TMC6: variants seen among roughly 807,000 people sequenced by gnomAD.
The protein encoded by TMC6 is transmembrane channel-like protein 6.
A neutral mutation model predicts 95.4 loss-of-function variants in TMC6; 71 were observed. That is an observed-to-expected ratio of 0.74 (90% CI 0.61 to 0.91). The LOEUF is 0.91. Ranked by LOEUF, TMC6 falls within the 40% of genes least tolerant of loss-of-function variation. The pLI, the probability that TMC6 is intolerant of heterozygous loss-of-function variation, is 0.00. For synonymous variants in TMC6, 514 were observed against 483.1 expected (o/e 1.06, Z -0.84); for missense variants, 1,074 against 1,079.1 (o/e 1.00, Z 0.07).
At position 78,124,960 on chromosome 17, in the gene TMC6, T is replaced by TC; in HGVS notation, c.561dup (p.Lys188GlufsTer125). 1 of 1,595,930 alleles carries TC rather than the reference T, an allele frequency of 6.3e-7. No individual in the cohort carries two copies. The highest frequency in any genetic ancestry group is 8.5e-7 in the Non-Finnish European group (1 of 1,173,912). On this transcript the variant is annotated frameshift_variant, in exon 7 of 20. Transcript: ENST00000590602. LOFTEE classifies it high-confidence loss of function. ...CCGCTGCCCGGCTGGCCCCTCCACT[T>TC]CCCCCTCGGGGTCCTGCTCTTCTCT...
rs774723223 is a variant in TMC6 at position 78,124,135 on chromosome 17, G to A, written c.936C>T (p.Asn312=). 1.1e-5 allele frequency: 18 copies of A among 1,612,604 alleles called. No homozygotes were observed. Among genetic ancestry groups the A allele is most frequent in the Middle Eastern group, 1.7e-4 (1 of 5,802 alleles). Residue 312 remains asparagine, a synonymous_variant, in exon 9 of 20, where the codon AAC becomes AAT. Coordinates refer to ENST00000590602, the MANE Select transcript of TMC6 (RefSeq NM_001127198.5). ...TGCCACACGGCTGGTTCAGCGTGGCGTTACTGTAGTGGCCGTAGTACATGA... is the reference window on the plus strand; with the variant it reads ...TGCCACACGGCTGGTTCAGCGTGGCATTACTGTAGTGGCCGTAGTACATGA... ...HTVMYYGHYS[N]ATLNQPCGSP...
intron 4 of TMC6, 104 bp from the exon 5 acceptor site, chr17:78,125,988 C>T: frequency 1.4e-6 from 2 of 1,469,114 alleles, no homozygotes; most frequent in Non-Finnish European, 9.2e-7. Context: ...TTCCCAGGAC[C>T]CAGGAAAATC....
intron 5 of TMC6, 22 bp downstream of exon 5, chr17:78,125,704 G>A: frequency 6.4e-7 from 1 of 1,557,312 alleles, no homozygotes; most frequent in African/African-American, 1.4e-5. Flanking sequence ...CGCCACTGGG[G>A]CTCCAGTGCC....
Position 78,122,873 on chromosome 17 carries a change from T to A in TMC6, c.1083-124A>T. ...ACCCACTCAGGAGCCATCTGGGCCC[T>A]GACTGGGCCTCCTGCCACACCCCTG... is the stretch of plus-strand genomic sequence containing the variant. On this transcript the variant is annotated intron_variant, in intron 9 of 19. Transcript: ENST00000590602. The surrounding 1 kb of genome is among the most constrained non-coding windows in gnomAD (Gnocchi z 4.9). 7.3e-7 allele frequency: 1 copy of A among 1,372,608 alleles called. No individual in the cohort carries two copies. The highest frequency in any genetic ancestry group is 1.0e-6 in the Non-Finnish European group (1 of 999,996). The allele number at this position is 1,372,608 out of a possible 1,614,324, so 85.0% of individuals were successfully genotyped here.
chr17:78,126,246 G>A (rs1319260959), intron 4 of TMC6, 31 bp downstream of exon 4: 1 of 1,542,758 alleles, frequency 6.5e-7, no homozygotes, highest in Admixed American at 2.0e-5. Context: ...TCGGGGCCGG[G>A]GCCGAGGCCG....
Position 78,125,279 on chromosome 17 carries a change from G to A in TMC6, c.431-16C>T, listed in dbSNP as rs1598871022. The A allele has an allele frequency of 1.3e-6, 2 of 1,554,358 alleles. No homozygotes were observed. The highest frequency in any genetic ancestry group is 1.4e-5 in the African/African-American group (1 of 73,602). On this transcript the variant is annotated splice_polypyrimidine_tract_variant and intron_variant, in intron 5 of 19. Transcript: ENST00000590602. ...CTCTGCTTCTCTGCGAGAGGGAGAG[G>A]GAGGTCCTGCCCATCCCCAAGTGCC...
intron 16 of TMC6, 32 bp from the exon 17 acceptor site, chr17:78,117,676 C>T: frequency 6.4e-7 from 1 of 1,556,364 alleles, no homozygotes; most frequent in Non-Finnish European, 8.7e-7. Flanking sequence ...AACCCTCACC[C>T]CGAGCAACAG....
Position 78,121,020 on chromosome 17 carries a change from T to A in TMC6, c.1528A>T (p.Ile510Phe). ...DSPVLEVYVAICRNLILKLAI... is the reference protein window; with the variant it reads ...DSPVLEVYVAFCRNLILKLAI... ...TCATGTGCGGCCACACACCTGCAGA[T>A]GGCCACGTACACCTCCAGTACCGGG... is the stretch of plus-strand genomic sequence containing the variant. The change falls in exon 12 of 20, where the codon ATC becomes TTC. Residue 510 changes from isoleucine (I) to phenylalanine (F), a missense_variant. By Grantham distance (21) the Ile-to-Phe change is conservative. Transcript: ENST00000590602. The surrounding 1 kb of genome is among the most constrained non-coding windows in gnomAD (Gnocchi z 5.6). 1.2e-6 allele frequency: 2 copies of A among 1,613,330 alleles called. No homozygotes were observed. Among genetic ancestry groups the A allele is most frequent in the Non-Finnish European group, 1.7e-6 (2 of 1,180,016 alleles).
upstream of TMC6, chr17:78,131,917 G>C (rs757695775): frequency 3.3e-6 from 5 of 1,496,284 alleles, no homozygotes; most frequent in Non-Finnish European, 4.4e-6. Flanking sequence ...CAGACCTTGC[G>C]CTGGCAGCGG....
At chr17:78,125,996 A>T (rs374861382) in intron 4 of TMC6, 112 bp from the exon 5 acceptor site, 16 of 1,454,216 alleles carry the variant, frequency 1.1e-5, no homozygotes, top group Admixed American at 2.1e-5. Flanking sequence ...ACCCAGGAAA[A>T]TCCTTTCAAC....
Position 78,120,252 on chromosome 17 carries a change from C to T in TMC6, c.1715+401G>A, listed in dbSNP as rs1006040362. 25 of 363,384 alleles carry T rather than the reference C, an allele frequency of 6.9e-5. No individual in the cohort carries two copies. In the East Asian group the frequency reaches 1.8e-3, roughly 27 times the overall value. 22.5% of individuals were successfully genotyped at this position (363,384 alleles called of 1,614,324 possible). The stretch of plus-strand genomic sequence containing the variant: ...TCAGCTCACTACAACCTCCGCTTCC[C>T]AGGTTCAAGCGATTCTCATGCCTCT... On this transcript the variant is annotated intron_variant, in intron 13 of 19. Coordinates refer to ENST00000590602, the MANE Select transcript of TMC6 (RefSeq NM_001127198.5).
rs80354176 is a variant in TMC6 at position 78,124,711 on chromosome 17, T to C, written c.704A>G (p.Lys235Arg). 2,552 of 1,596,534 alleles carry C rather than the reference T, an allele frequency of 1.6e-3. 66 individuals carry two copies. In the East Asian group the frequency reaches 0.053, roughly 33 times the overall value. The change falls in exon 8 of 20, where the codon AAG becomes AGG. Residue 235 changes from lysine to arginine, a missense_variant. Coordinates refer to ENST00000590602, the MANE Select transcript of TMC6 (RefSeq NM_001127198.5). The stretch of plus-strand genomic sequence containing the variant: ...GGAGCCGAACTGGCCCCCGATGCGC[T>C]TCAGGGCGTAGCGCCACGGCATCAG... Reference protein sequence around the residue: ...QALMPWRYALKRIGGQFGSSV... With the variant: ...QALMPWRYALRRIGGQFGSSV...
chr17:78,118,289 G>A, intron 15 of TMC6: 1 of 375,532 alleles, frequency 2.7e-6, no homozygotes, highest in Non-Finnish European at 5.0e-6. Context: ...AGGTGCGGTG[G>A]CTCATGCCTG....
upstream of TMC6, chr17:78,131,429 G>A: frequency 1.0e-6 from 1 of 997,690 alleles, no homozygotes. Context: ...AGGGCTGCAG[G>A]AGCCCAGGCC....
At chr17:78,131,611 C>T (rs1359422042), upstream of TMC6, 1 of 1,548,812 alleles carries the variant, frequency 6.5e-7, no homozygotes, top group African/African-American at 1.4e-5. Flanking sequence ...CGGTCGGTGT[C>T]ATCGGAGCGG....
In TMC6 at chr17:78,121,646, C is replaced by T. The variant is rs987312855; in HGVS notation, c.1293G>A (p.Ala431=). 3.5e-5 allele frequency: 56 copies of T among 1,604,772 alleles called. No homozygotes were observed. The Middle Eastern group carries it at 5.0e-4, about 14-fold the overall frequency. ...PRSVCGRLRQ[A]AVLGLVWLLC... is the part of the protein sequence containing the mutation. Reference sequence around the variant, plus strand: ...GCAGCCACACAAGCCCCAGCACAGCCGCCTGCCGCAGCCTCCCGCACACGC... The same window carrying T: ...GCAGCCACACAAGCCCCAGCACAGCTGCCTGCCGCAGCCTCCCGCACACGC... The change falls in exon 11 of 20, where the codon GCG becomes GCA. Residue 431 remains alanine (A), a synonymous_variant. Transcript: ENST00000590602. This position sits in a 1 kb window ranked among gnomAD's most constrained non-coding sequence, Gnocchi z 5.6.
intron 8 of TMC6, 144 bp downstream of exon 8, chr17:78,124,380 G>C: frequency 7.1e-7 from 1 of 1,405,640 alleles, no homozygotes; most frequent in Non-Finnish European, 9.7e-7. Context: ...CATTGAGGGG[G>C]AGGCGGGGAG....
At position 78,121,424 on chromosome 17, in the gene TMC6, G is replaced by T; in HGVS notation, c.1383+132C>A. ...GGGCTCGGAGGGGGCCCCAGCACGGGGCACAGCGTACGTGGCACCCTGGGC... is the reference window on the plus strand; with the variant it reads ...GGGCTCGGAGGGGGCCCCAGCACGGTGCACAGCGTACGTGGCACCCTGGGC... On this transcript the variant is annotated intron_variant, in intron 11 of 19. Transcript: ENST00000590602. The surrounding 1 kb of genome is among the most constrained non-coding windows in gnomAD (Gnocchi z 5.6). 6.7e-7 allele frequency: 1 copy of T among 1,487,496 alleles called. No homozygotes were observed. The allele number at this position is 1,487,496 out of a possible 1,614,324, so 92.1% of individuals were successfully genotyped here.
chr17:78,131,004 G>A (rs1306501479), upstream of TMC6: 1 of 182,728 alleles, frequency 5.5e-6, no homozygotes, highest in Admixed American at 5.6e-5. Flanking sequence ...GGGGTACCTG[G>A]GACTGGAGGC....
Sources: gnomAD v4.1 joint callset for allele counts on GRCh38, gnomAD v4.1.1 for gene constraint, Gnocchi (gnomAD v3.1) non-coding constraint, MANE v1.5 for transcripts, NCBI Gene and HGNC (gene_info 2026-07-23, HGNC 2026-07-21) for gene names.